UBE2K: variants seen among roughly 807,000 people sequenced by gnomAD.
UBE2K encodes ubiquitin-conjugating enzyme E2 K.
Under a neutral mutation model 30.0 loss-of-function variants are expected in UBE2K, and 6 were observed. The ratio of observed to expected loss-of-function variants is 0.20; its 90% CI spans 0.11 to 0.39. The LOEUF (loss-of-function observed/expected upper bound fraction) is 0.39. Among genes scored for constraint, UBE2K ranks in the 10% least tolerant of loss-of-function variants. The pLI, the probability that UBE2K is intolerant of heterozygous loss-of-function variation, is 1.00. For synonymous variants in UBE2K, 86 were observed against 83.7 expected (o/e 1.03, Z -0.15); for missense variants, 61 against 241.6 (o/e 0.25, Z 4.96).
intron 4 of UBE2K, among the ~76,000 whole-genome samples, chr4:39,760,663 C>T (rs1463446373): frequency 2.0e-5 from 3 of 151,962 alleles, no homozygotes; most frequent in East Asian, 3.9e-4. Context: ...TTTGGGAGGC[C>T]GAGGCGGGCG....
chr4:39,736,045 A>G (rs1720361331), intron 1 of UBE2K, among the ~76,000 whole-genome samples: 1 of 152,054 alleles, frequency 6.6e-6, no homozygotes, highest in Admixed American at 6.6e-5. Flanking sequence ...AGGAAGCCAA[A>G]GACAGTAATT....
chr4:39,731,933 T>G (rs1293739481), intron 1 of UBE2K, among the ~76,000 whole-genome samples: 1 of 152,194 alleles, frequency 6.6e-6, no homozygotes, highest in Non-Finnish European at 1.5e-5. Flanking sequence ...TACTTGTAAC[T>G]TTAGGGGGCA....
At chr4:39,765,695 G>A (rs755874922) in intron 4 of UBE2K, among the ~76,000 whole-genome samples, 1 of 151,994 alleles carries the variant, frequency 6.6e-6, no homozygotes, top group Non-Finnish European at 1.5e-5. Flanking sequence ...GGTAGCATGC[G>A]ACTGTAGTCC....
chr4:39,770,652 T>A, intron 4 of UBE2K: 1 of 1,592,382 alleles, frequency 6.3e-7, no homozygotes, highest in South Asian at 1.1e-5. Flanking sequence ...ATAGCAGGCC[T>A]TCACCACACC....
intron 1 of UBE2K, among the ~76,000 whole-genome samples, chr4:39,702,620 A>T (rs904151952): frequency 6.6e-6 from 1 of 152,132 alleles, no homozygotes; most frequent in Non-Finnish European, 1.5e-5. Flanking sequence ...CGTGAAAATT[A>T]CTATATAGTA....
Position 39,779,732 on chromosome 4 carries a change from G to T in UBE2K, c.*1298G>T, listed in dbSNP as rs1354913886. 6.6e-6 allele frequency: 1 copy of T among 152,272 alleles called. No individual in the cohort carries two copies. The highest frequency in any genetic ancestry group is 1.5e-5 in the Non-Finnish European group (1 of 67,990). The allele number at this position is 152,272 out of a possible 1,614,324, so 9.4% of individuals were successfully genotyped here. ...AGGTTGAAGTGGATTTATGCAGGCA[G>T]TTCTATATATAGAAATACAATTCTT... On this transcript the variant is annotated 3_prime_UTR_variant, in exon 7 of 7. Transcript: ENST00000261427.
intron 4 of UBE2K, among the ~76,000 whole-genome samples, chr4:39,772,972 C>T (rs1228216790): frequency 7.4e-6 from 1 of 134,984 alleles, no homozygotes; most frequent in Non-Finnish European, 1.6e-5. Context: ...CAGGTGTGAG[C>T]CACCGCGCCC....
At chr4:39,734,505 T>TA (rs1342742107) in intron 1 of UBE2K, among the ~76,000 whole-genome samples, 8 of 152,224 alleles carry the variant, frequency 5.3e-5, no homozygotes, top group Non-Finnish European at 1.0e-4. Flanking sequence ...TTTTCTGACT[T>TA]ATAATTTGGG....
Position 39,755,734 on chromosome 4 carries a change from TC to T in UBE2K, c.295del (p.Gln99AsnfsTer6). On this transcript the variant is annotated frameshift_variant, in exon 4 of 7. Coordinates refer to ENST00000261427, the MANE Select transcript of UBE2K (RefSeq NM_005339.5). LOFTEE classifies it high-confidence loss of function. ...CTATTTGTTTGGATATCCTGAAAGA[TC>T]AATGGTAAGAGATTTTGAATTCACC... ...GAICLDILKD[Q>X]WAAAMTLRTV... The T allele has an allele frequency of 6.3e-7, 1 of 1,594,406 alleles. No individual in the cohort carries two copies. Among genetic ancestry groups the T allele is most frequent in the South Asian group, 1.2e-5 (1 of 86,656 alleles).
At chr4:39,746,300 C>G (rs1243396259) in intron 3 of UBE2K, among the ~76,000 whole-genome samples, 1 of 152,108 alleles carries the variant, frequency 6.6e-6, no homozygotes, top group African/African-American at 2.4e-5. Context: ...GGAATTGCAA[C>G]TGTGATAAAT....
chr4:39,767,236 AT>A (rs1355789230), intron 4 of UBE2K, among the ~76,000 whole-genome samples: 1 of 148,910 alleles, frequency 6.7e-6, no homozygotes, highest in Non-Finnish European at 1.5e-5. Flanking sequence ...TAATTTTTAT[AT>A]ATGGTATAAT....
At chr4:39,721,985 C>T (rs1719445777) in intron 1 of UBE2K, among the ~76,000 whole-genome samples, 1 of 151,976 alleles carries the variant, frequency 6.6e-6, no homozygotes, top group South Asian at 2.1e-4. Flanking sequence ...GCTGCTTGGG[C>T]AGCCGAGGTC....
At chr4:39,714,550 A>ATATATATATATATATATATTTTTTTTTT in intron 1 of UBE2K, 2 of 17,854 alleles carry the variant, frequency 1.1e-4, no homozygotes, top group African/African-American at 2.5e-4. Flanking sequence ...ATATATATAT[A>ATATATATATATATATATATTTTTTTTTT]TTTTTTTTTT....
Position 39,781,126 on chromosome 4 carries a change from G to A in UBE2K, c.*2692G>A, listed in dbSNP as rs1425831740. ...TGAATGAATGAATGAATGGCAGTTA[G>A]TGGACCCAAATAAGTATTCAGTGGT... On this transcript the variant is annotated 3_prime_UTR_variant, in exon 7 of 7. Transcript: ENST00000261427. 3 of 152,094 alleles carry A rather than the reference G, an allele frequency of 2.0e-5. No homozygotes were observed. The highest frequency in any genetic ancestry group is 2.0e-4 in the Admixed American group (3 of 15,266). 9.4% of individuals were successfully genotyped at this position (152,094 alleles called of 1,614,324 possible). A position where few individuals can be genotyped will look rare whatever the true frequency, so the allele number is the denominator to read the frequency against.
chr4:39,701,805 G>C (rs532261038), intron 1 of UBE2K, among the ~76,000 whole-genome samples: 9 of 151,006 alleles, frequency 6.0e-5, no homozygotes, highest in African/African-American at 2.2e-4. Context: ...GTCTCGCCCA[G>C]ACTGGAGTGC....
rs576637661 is a variant in UBE2K at position 39,716,535 on chromosome 4, C to T, written c.63+18145C>T. Among the ~76,000 whole-genome samples the T allele has an allele frequency of 1.1e-4, 16 of 152,258 alleles. No individual in the cohort carries two copies. In the South Asian group the frequency reaches 2.1e-3, roughly 20 times the overall value. On this transcript the variant is annotated intron_variant, in intron 1 of 6. Coordinates refer to ENST00000261427, the MANE Select transcript of UBE2K (RefSeq NM_005339.5). The stretch of plus-strand genomic sequence containing the variant: ...GAGTGCTGGGATTACAGGCATGAGC[C>T]GCTGCGCCCAGCCCAGATGGACTAT...
chr4:39,769,974 C>G, intron 4 of UBE2K: 1 of 807,262 alleles, frequency 1.2e-6, no homozygotes, highest in East Asian at 2.6e-5. Flanking sequence ...GCCTCCCACT[C>G]TTACCTTTCT....
intron 4 of UBE2K, among the ~76,000 whole-genome samples, chr4:39,766,500 G>A (rs1179503900): frequency 2.0e-5 from 3 of 149,204 alleles, no homozygotes; most frequent in Admixed American, 6.7e-5. Context: ...TTATTGAGTT[G>A]TAGGAGTTCT....
chr4:39,739,778 G>A (rs555210730), intron 2 of UBE2K, among the ~76,000 whole-genome samples: 1 of 152,182 alleles, frequency 6.6e-6, no homozygotes, highest in South Asian at 2.1e-4. Flanking sequence ...TTGGAGAGAT[G>A]GCATCTTGCC....
Sources: allele counts gnomAD v4.1 joint callset (sites outside exome capture counted in the v4.1 genomes callset), GRCh38; gene constraint gnomAD v4.1.1; transcripts MANE v1.5; gene names NCBI Gene and HGNC (gene_info 2026-07-23, HGNC 2026-07-21).